Variants in CHP1 observed in about 807,000 individuals in gnomAD.
CHP1 encodes the protein calcineurin B homologous protein 1.
A neutral mutation model predicts 27.4 loss-of-function variants in CHP1; 11 were observed. The observed-to-expected ratio is 0.40, with a 90% CI of 0.25 to 0.67. The LOEUF (loss-of-function observed/expected upper bound fraction) is 0.67, where lower values mean the gene tolerates loss of function less well. Ranked by LOEUF, CHP1 falls within the 30% of genes least tolerant of loss-of-function variation. The pLI is 0.38. For synonymous variants in CHP1, 89 were observed against 87.4 expected (o/e 1.02, Z -0.10); for missense variants, 169 against 251.3 (o/e 0.67, Z 2.22).
At chr15:41,270,014 T>G (rs761382264) in intron 4 of CHP1, among the ~76,000 whole-genome samples, 2 of 152,254 alleles carry the variant, frequency 1.3e-5, no homozygotes, top group Non-Finnish European at 2.9e-5. Flanking sequence ...GAAAGAAACA[T>G]GATAAAGCCA....
chr15:41,270,268 G>A (rs533709557), intron 4 of CHP1, among the ~76,000 whole-genome samples: 3 of 151,704 alleles, frequency 2.0e-5, no homozygotes, highest in African/African-American at 4.8e-5. Context: ...GAGTGTTTTG[G>A]GGGGGGGCGT....
At chr15:41,279,055 A>G (rs553358050) in intron 6 of CHP1, among the ~76,000 whole-genome samples, 166 bp downstream of exon 6, 2 of 152,200 alleles carry the variant, frequency 1.3e-5, no homozygotes, top group Middle Eastern at 3.4e-3. Context: ...TACTAAAAAT[A>G]CAAAAATTAG....
chr15:41,268,539 G>A (rs1489872897), intron 4 of CHP1, among the ~76,000 whole-genome samples: 1 of 151,926 alleles, frequency 6.6e-6, no homozygotes, highest in African/African-American at 2.4e-5. Flanking sequence ...CAGCTACTCG[G>A]GAGTCTGAGG....
chr15:41,273,661 C>T (rs1189417683), intron 5 of CHP1, among the ~76,000 whole-genome samples: 1 of 150,830 alleles, frequency 6.6e-6, no homozygotes, highest in East Asian at 2.0e-4. Flanking sequence ...AGCCAGCTTG[C>T]CTGGCCTCAC....
At chr15:41,234,102 A>G (rs1182220387) in intron 1 of CHP1, 3 of 152,022 alleles carry the variant, frequency 2.0e-5, no homozygotes, top group African/African-American at 7.2e-5. Flanking sequence ...GGCGCATACC[A>G]CCATGCTTAC....
At chr15:41,247,920 G>C (rs901927331) in intron 2 of CHP1, among the ~76,000 whole-genome samples, 1 of 151,632 alleles carries the variant, frequency 6.6e-6, no homozygotes, top group East Asian at 1.9e-4. Context: ...AGTGAGCCGA[G>C]ATCACACCAC....
chr15:41,243,814 C>A, intron 2 of CHP1, 75 bp downstream of exon 2: 1 of 1,284,190 alleles, frequency 7.8e-7, no homozygotes, highest in Non-Finnish European at 1.1e-6. Context: ...CTGCCTTTAT[C>A]CCTAGGGTAG....
chr15:41,272,617 C>T (rs927710930), intron 5 of CHP1, among the ~76,000 whole-genome samples: 7 of 151,902 alleles, frequency 4.6e-5, no homozygotes, highest in East Asian at 3.9e-4. Flanking sequence ...GATGGGGTTT[C>T]GCCATGTTGA....
intron 1 of CHP1, among the ~76,000 whole-genome samples, chr15:41,242,851 G>A (rs2047313661): frequency 6.6e-6 from 1 of 151,842 alleles, no homozygotes; most frequent in Non-Finnish European, 1.5e-5. Flanking sequence ...GCTGAGGCAG[G>A]AGAATCGCTT....
At chr15:41,261,682 C>T (rs1252871150) in intron 3 of CHP1, among the ~76,000 whole-genome samples, 4 of 151,582 alleles carry the variant, frequency 2.6e-5, no homozygotes, top group African/African-American at 9.7e-5. Flanking sequence ...CACGGTGAAA[C>T]CCTGTCTGTA....
At position 41,254,473 on chromosome 15, in the gene CHP1, C is replaced by CA. The variant is rs2047387814; in HGVS notation, c.141-2436dup. Among the ~76,000 whole-genome samples, 4 of 152,142 alleles carry CA rather than the reference C, an allele frequency of 2.6e-5. 1 individual carries two copies. In the South Asian group the frequency reaches 8.3e-4, roughly 31 times the overall value. On this transcript the variant is annotated intron_variant, in intron 2 of 6. Transcript: ENST00000334660. ...TGATGATAGTGTAGACTTTGTATTA[C>CA]AGAACAAATTATGTAATAAAAGCTT...
At chr15:41,263,696 G>T (rs1413150742) in intron 4 of CHP1, among the ~76,000 whole-genome samples, 1 of 152,140 alleles carries the variant, frequency 6.6e-6, no homozygotes, top group Non-Finnish European at 1.5e-5. Flanking sequence ...GCAACATGGT[G>T]AAACATTGTC....
At chr15:41,253,789 G>GT (rs1332905852) in intron 2 of CHP1, among the ~76,000 whole-genome samples, 1 of 151,378 alleles carries the variant, frequency 6.6e-6, no homozygotes, top group South Asian at 2.1e-4. Context: ...TGTTTGTTTT[G>GT]TTTTTTCTGT....
At chr15:41,276,535 T>A (rs1254342128) in intron 5 of CHP1, among the ~76,000 whole-genome samples, 1 of 152,178 alleles carries the variant, frequency 6.6e-6, no homozygotes, top group Non-Finnish European at 1.5e-5. Context: ...GTTCACACCC[T>A]AAAGGTGTTA....
In CHP1 at chr15:41,237,427, C is replaced by T. The variant is rs191490460; in HGVS notation, c.67+5978C>T. On this transcript the variant is annotated intron_variant, in intron 1 of 6. Coordinates refer to ENST00000334660, the MANE Select transcript of CHP1 (RefSeq NM_007236.5). ...CCTCCCAAAGGGCTAGGATTATAGA[C>T]GTGAGCCACCTTAATATTATCTATC... Among the ~76,000 whole-genome samples, 23 of 152,306 alleles carry T rather than the reference C, an allele frequency of 1.5e-4. No homozygotes were observed. The South Asian group carries it at 2.1e-3, about 14-fold the overall frequency.
At chr15:41,264,273 T>A (rs993508519) in intron 4 of CHP1, 15 of 1,178,622 alleles carry the variant, frequency 1.3e-5, no homozygotes, top group African/African-American at 3.2e-5. Flanking sequence ...TCAGTTCAGG[T>A]CAGGAGAGTG....
At chr15:41,256,180 G>A (rs1488543579) in intron 2 of CHP1, among the ~76,000 whole-genome samples, 1 of 152,130 alleles carries the variant, frequency 6.6e-6, no homozygotes, top group African/African-American at 2.4e-5. Flanking sequence ...CTCTAAAAGG[G>A]TATACATAAA....
chr15:41,266,229 G>A (rs1245948964), intron 4 of CHP1, among the ~76,000 whole-genome samples: 1 of 152,070 alleles, frequency 6.6e-6, no homozygotes, highest in African/African-American at 2.4e-5. Context: ...ATTACAGTGA[G>A]CCGAGATCAC....
At position 41,281,814 on chromosome 15, in the gene CHP1, C is replaced by G. The variant is rs1300759824; in HGVS notation, c.*2425C>G. 6.6e-6 allele frequency: 1 copy of G among 152,570 alleles called. No individual in the cohort carries two copies. Among genetic ancestry groups the G allele is most frequent in the Non-Finnish European group, 1.5e-5 (1 of 68,032 alleles). 9.5% of individuals were successfully genotyped at this position (152,570 alleles called of 1,614,324 possible). On this transcript the variant is annotated 3_prime_UTR_variant, in exon 7 of 7. Transcript: ENST00000334660. ...TGGCTGTATAGCAAAGTGTTTTAAT[C>G]CACGGTTGTGCCTTATTGTTCCATT...
Sources: gnomAD v4.1 joint callset for allele counts (sites outside exome capture counted in the v4.1 genomes callset) on GRCh38, gnomAD v4.1.1 for gene constraint, MANE v1.5 for transcripts, NCBI Gene and HGNC (gene_info 2026-07-23, HGNC 2026-07-21) for gene names.